MYH7: variants seen among roughly 807,000 people sequenced by gnomAD.
MYH7 encodes myosin-7.
In MYH7, 129 loss-of-function variants were observed where a neutral mutation model predicts 225.4. That is an observed-to-expected ratio of 0.57 (90% CI 0.50 to 0.66). The LOEUF (loss-of-function observed/expected upper bound fraction) is 0.66, where lower values mean the gene tolerates loss of function less well. MYH7 is among the 30% of genes least tolerant of loss of function. MYH7 has a pLI of 0.00. For synonymous variants in MYH7, 971 were observed against 1,007.6 expected, an observed-to-expected ratio of 0.96 and a Z score of 0.69; for missense variants, 1,649 against 2,517.0, an observed-to-expected ratio of 0.66 and a Z score of 7.38.
In MYH7 at chr14:23,422,031, G is replaced by C. The variant is rs483352965; in HGVS notation, c.3245+149C>G. On this transcript the variant is annotated intron_variant, in intron 25 of 39. Transcript: ENST00000355349. ...TGATATCTGGGACTAGGGGAGGAAA[G>C]CCCTTGCCTGGGAGGCCTTTTCCCA... 1.7e-3 allele frequency: 2,121 copies of C among 1,251,636 alleles called. 21 individuals are homozygous for C. In the Middle Eastern group the frequency reaches 0.019, roughly 11 times the overall value. The allele number at this position is 1,251,636 out of a possible 1,614,324, so 77.5% of individuals were successfully genotyped here. A position where few individuals can be genotyped will look rare whatever the true frequency, so the allele number is the denominator to read the frequency against.
At position 23,412,941 on chromosome 14, in the gene MYH7, C is replaced by T. The variant is rs1269459017; in HGVS notation, c.5791-70G>A. ...ATTGGGCAGGGACAGGGCATGGGAA[C>T]AAAGGTGAGAGGGGTCTGATGGTGG... On this transcript the variant is annotated intron_variant, in intron 39 of 39. Transcript: ENST00000355349. 11 of 1,523,304 alleles carry T rather than the reference C, an allele frequency of 7.2e-6. No individual in the cohort carries two copies. The East Asian group carries it at 2.5e-4, about 34-fold the overall frequency. The allele number at this position is 1,523,304 out of a possible 1,614,324, so 94.4% of individuals were successfully genotyped here.
Position 23,423,972 on chromosome 14 carries a change from C to T in MYH7, c.2857G>A (p.Asp953Asn). 6.2e-7 allele frequency: 1 copy of T among 1,614,230 alleles called. No individual in the cohort carries two copies. Among genetic ancestry groups the T allele is most frequent in the South Asian group, 1.1e-5 (1 of 91,084 alleles). The change falls in exon 23 of 40, where the codon GAC becomes AAC. Residue 953 changes from aspartate to asparagine, a missense_variant. By Grantham distance (23) the Asp-to-Asn change is conservative. This residue lies in a region of MYH7 where 282 missense variants were observed against 315.3 expected (regional missense o/e 0.89). Transcript: ENST00000355349. The stretch of plus-strand genomic sequence containing the variant: ...AGTGTCAGCTCCAGATCATCGATGT[C>T]CCTTTTGAGCTCTGAGCACTCATCT... Reference protein sequence around the residue: ...LEDECSELKRDIDDLELTLAK... With the variant: ...LEDECSELKRNIDDLELTLAK...
Position 23,416,953 on chromosome 14 carries a change from C to T in MYH7, c.4559G>A (p.Gly1520Glu). The T allele has an allele frequency of 6.2e-7, 1 of 1,614,260 alleles. No individual in the cohort carries two copies. The highest frequency in any genetic ancestry group is 8.5e-7 in the Non-Finnish European group (1 of 1,180,048). ...CTTCTCCAGCTCATGGATAGTCTTT[C>T]CGCTGGAACCCAACTGCTCAGTCAA... is the stretch of plus-strand genomic sequence containing the variant. ...SDLTEQLGSS[G>E]KTIHELEKVR... The change falls in exon 33 of 40, where the codon GGA (glycine) becomes GAA (glutamate). Residue 1520 changes from glycine to glutamate, a missense_variant. Gly to Glu is a moderately conservative substitution (Grantham distance 98). This residue lies in a region of MYH7 where 687 missense variants were observed against 913.8 expected (regional missense o/e 0.75). Coordinates refer to ENST00000355349, the MANE Select transcript of MYH7 (RefSeq NM_000257.4).
At position 23,416,016 on chromosome 14, in the gene MYH7, C is replaced by T. The variant is rs749154313; in HGVS notation, c.4941G>A (p.Gln1647=). Residue 1647 remains glutamine (Q), a synonymous_variant, in exon 34 of 40, where the codon CAG becomes CAA. Coordinates refer to ENST00000355349, the MANE Select transcript of MYH7 (RefSeq NM_000257.4). The part of the protein sequence containing the change: ...AEAQKQVKSL[Q]SLLKDTQIQL... ...TCTGGGTGAGTACCTTCAACAAGCT[C>T]TGGAGGCTCTTGACTTGCTTCTGGG... 6 of 1,614,084 alleles carry T rather than the reference C, an allele frequency of 3.7e-6. No individual in the cohort carries two copies. The highest frequency in any genetic ancestry group is 1.3e-5 in the African/African-American group (1 of 74,950).
chr14:23,418,724 C>T (rs749055311), intron 29 of MYH7, among the ~76,000 whole-genome samples: 1 of 152,192 alleles, frequency 6.6e-6, no homozygotes, highest in Admixed American at 6.5e-5. Flanking sequence ...AACCTAAGAT[C>T]ACTGAGCTAT....
At position 23,425,751 on chromosome 14, in the gene MYH7, T is replaced by G. The variant is rs1230771917; in HGVS notation, c.2230A>C (p.Lys744Gln). The change falls in exon 20 of 40, where the codon AAG becomes CAG. Residue 744 changes from lysine (K) to glutamine (Q), a missense_variant. By Grantham distance (53) the Lys-to-Gln change is moderately conservative. This residue lies in a region of MYH7 where 41 missense variants were observed against 124.8 expected (regional missense o/e 0.33). Coordinates refer to ENST00000355349, the MANE Select transcript of MYH7 (RefSeq NM_000257.4). This position sits in a 1 kb window ranked among gnomAD's most constrained non-coding sequence, Gnocchi z 4.6. ...TCAATGTCCAGGGAGCTGAGCAGCTTCTCTGCCCCCTTCCTGCTATCAATG... is the reference window on the plus strand; with the variant it reads ...TCAATGTCCAGGGAGCTGAGCAGCTGCTCTGCCCCCTTCCTGCTATCAATG... ...QFIDSRKGAE[K>Q]LLSSLDIDHN... 6.2e-7 allele frequency: 1 copy of G among 1,613,990 alleles called. No individual in the cohort carries two copies. The highest frequency in any genetic ancestry group is 1.1e-5 in the South Asian group (1 of 91,074).
At chr14:23,414,184 T>A in intron 37 of MYH7, 82 bp from the exon 38 acceptor site, 1 of 1,227,328 alleles carries the variant, frequency 8.1e-7, no homozygotes, top group East Asian at 2.3e-5. Context: ...CTGCTTCATC[T>A]GATATCCTGA....
chr14:23,418,906 G>A (rs948234211), intron 29 of MYH7, among the ~76,000 whole-genome samples: 3 of 152,102 alleles, frequency 2.0e-5, no homozygotes, highest in Non-Finnish European at 2.9e-5. Flanking sequence ...TCCCCTAGCC[G>A]TGCCCGGGCA....
chr14:23,435,349 A>T (rs2138690282), intron 1 of MYH7, among the ~76,000 whole-genome samples: 1 of 148,270 alleles, frequency 6.7e-6, no homozygotes, highest in East Asian at 2.0e-4. Flanking sequence ...TCACATTCAG[A>T]CTATGCAGGC....
In MYH7 at chr14:23,428,739, C is replaced by G. The variant is rs1025982573; in HGVS notation, c.1408-69G>C. ...GAGTGGCCATTGGGGCTGTGCCCGT[C>G]CACTGTGCCTGAGCCCAGCAGGGCG... On this transcript the variant is annotated intron_variant, in intron 14 of 39. Coordinates refer to ENST00000355349, the MANE Select transcript of MYH7 (RefSeq NM_000257.4). 82 of 1,610,974 alleles carry G rather than the reference C, an allele frequency of 5.1e-5. 1 individual carries two copies. In the South Asian group the frequency reaches 7.9e-4, roughly 16 times the overall value.
chr14:23,433,628 C>T lies in MYH7; in HGVS notation c.105G>A (p.Lys35=), dbSNP rs778313325. ...EAQTRPFDLK[K]DVFVPDDKQE... The stretch of plus-strand genomic sequence containing the variant: ...GTTTGTCATCAGGCACGAAGACATC[C>T]TTCTTGAGGTCAAAAGGCCTGGTCT... Residue 35 remains lysine, a synonymous_variant, in exon 3 of 40, where the codon AAG becomes AAA. Coordinates refer to ENST00000355349, the MANE Select transcript of MYH7 (RefSeq NM_000257.4). This position sits in a 1 kb window ranked among gnomAD's most constrained non-coding sequence, Gnocchi z 4.1. 1.9e-6 allele frequency: 3 copies of T among 1,614,264 alleles called. No individual in the cohort carries two copies. In the South Asian group the frequency reaches 3.3e-5, roughly 18 times the overall value.
rs1320625596 is a variant in MYH7, at chr14:23,415,362, G to GGTGGA, written c.5283+14_5283+18dup. On this transcript the variant is annotated intron_variant, in intron 36 of 39. Coordinates refer to ENST00000355349, the MANE Select transcript of MYH7 (RefSeq NM_000257.4). The surrounding 1 kb of genome is among the most constrained non-coding windows in gnomAD (Gnocchi z 6.3). ...GAGAGACACTGGTCTGGATCGGGTC[G>GGTGGA]GTGGAGTGGGGGACTTACATCCGTG... The GGTGGA allele has an allele frequency of 6.2e-7, 1 of 1,614,054 alleles. No individual in the cohort carries two copies. Among genetic ancestry groups the GGTGGA allele is most frequent in the African/African-American group, 1.3e-5 (1 of 74,916 alleles).
rs727504352 is a variant in MYH7 at position 23,418,349 on chromosome 14, G to T, written c.4030C>A (p.Arg1344=). 1.9e-6 allele frequency: 3 copies of T among 1,613,728 alleles called. No individual in the cohort carries two copies. The African/African-American group carries it at 4.0e-5, about 22-fold the overall frequency. Residue 1344 remains arginine (R), a synonymous_variant, in exon 30 of 40, where the codon CGG becomes AGG. Transcript: ENST00000355349. ...QSARHDCDLL[R]EQYEEETEAK... is the part of the protein sequence containing the mutation. ...TCCGTCTCCTCCTCGTACTGCTCCCGCAGCAGGTCGCAGTCATGCCGGGCC... is the reference window on the plus strand; with the variant it reads ...TCCGTCTCCTCCTCGTACTGCTCCCTCAGCAGGTCGCAGTCATGCCGGGCC...
rs746917512 is a variant in MYH7, at chr14:23,419,790, A to G, written c.3726+55T>C. On this transcript the variant is annotated intron_variant, in intron 27 of 39. Transcript: ENST00000355349. ...ATGAAGGAAGAGACACTACATGGACAGAAAGGGGAGGTGGGAGGAGGAAGT... is the reference window on the plus strand; with the variant it reads ...ATGAAGGAAGAGACACTACATGGACGGAAAGGGGAGGTGGGAGGAGGAAGT... 90 of 1,613,986 alleles carry G rather than the reference A, an allele frequency of 5.6e-5. 1 individual carries two copies. The Middle Eastern group carries it at 8.3e-4, about 15-fold the overall frequency.
chr14:23,429,763 C>A lies in MYH7; in HGVS notation c.1138+12G>T. 1 of 1,612,036 alleles carries A rather than the reference C, an allele frequency of 6.2e-7. No individual in the cohort carries two copies. Among genetic ancestry groups the A allele is most frequent in the Non-Finnish European group, 8.5e-7 (1 of 1,180,006 alleles). ...GACTTGACAGCTGCCCCCAAGAATC[C>A]CTGCCTCCCACCTTCAGTGCCGTCT... On this transcript the variant is annotated intron_variant, in intron 12 of 39. Coordinates refer to ENST00000355349, the MANE Select transcript of MYH7 (RefSeq NM_000257.4).
rs550258745 is a variant in MYH7 at position 23,422,233 on chromosome 14, C to G, written c.3192G>C (p.Glu1064Asp). ...KLEGDLKLTQESIMDLENDKQ... is the reference protein window; with the variant it reads ...KLEGDLKLTQDSIMDLENDKQ... Reference sequence around the variant, plus strand: ...TGTCATTCTCCAGGTCCATGATGCTCTCCTGGGTCAGCTTCAGGTCGCCCT... The same window carrying G: ...TGTCATTCTCCAGGTCCATGATGCTGTCCTGGGTCAGCTTCAGGTCGCCCT... The change falls in exon 25 of 40, where the codon GAG (glutamate) becomes GAC (aspartate). Residue 1064 changes from glutamate to aspartate, a missense_variant. Glu to Asp is a conservative substitution (Grantham distance 45, BLOSUM62 2). Around this residue, in one of 12 missense-constraint regions of MYH7, gnomAD observed 282 missense variants for 315.3 expected, o/e 0.89. Coordinates refer to ENST00000355349, the MANE Select transcript of MYH7 (RefSeq NM_000257.4). The G allele has an allele frequency of 6.2e-7, 1 of 1,613,994 alleles. No individual in the cohort carries two copies. Among genetic ancestry groups the G allele is most frequent in the Non-Finnish European group, 8.5e-7 (1 of 1,180,038 alleles).
intron 25 of MYH7, among the ~76,000 whole-genome samples, chr14:23,421,286 T>C (rs1475049461): frequency 2.0e-5 from 3 of 152,168 alleles, no homozygotes; most frequent in African/African-American, 7.2e-5. Flanking sequence ...TACAGGACAT[T>C]CCCATCTTTG....
rs569044957 is a variant in MYH7, at chr14:23,432,633, T to C, written c.502+6A>G. The C allele has an allele frequency of 1.7e-5, 27 of 1,614,140 alleles. No homozygotes were observed. The South Asian group carries it at 2.9e-4, about 17-fold the overall frequency. On this transcript the variant is annotated splice_donor_region_variant and intron_variant, in intron 5 of 39. Coordinates refer to ENST00000355349, the MANE Select transcript of MYH7 (RefSeq NM_000257.4). ...CCTTCAGGAAGACCCTTCCAGGGCCTCTCACCTGTCAGCATGTACTGATAG... is the reference window on the plus strand; with the variant it reads ...CCTTCAGGAAGACCCTTCCAGGGCCCCTCACCTGTCAGCATGTACTGATAG...
At chr14:23,428,840 C>G (rs1201791457) in intron 14 of MYH7, 115 bp downstream of exon 14, 8 of 1,583,662 alleles carry the variant, frequency 5.1e-6, no homozygotes, top group Non-Finnish European at 6.9e-6. Context: ...CCTCTGTCAC[C>G]ACACAGTCCC....
Sources: gnomAD v4.1 joint callset for allele counts (sites outside exome capture counted in the v4.1 genomes callset) on GRCh38, gnomAD v4.1.1 for gene constraint, gnomAD v4.1.1 regional missense constraint, Gnocchi (gnomAD v3.1) non-coding constraint, MANE v1.5 for transcripts, NCBI Gene and HGNC (gene_info 2026-07-23, HGNC 2026-07-21) for gene names.